ITGA9: variants seen among roughly 807,000 people sequenced by gnomAD.
ITGA9 encodes the protein integrin subunit alpha 9, also known as integrin alpha-9.
In ITGA9, 56 loss-of-function variants were observed where a neutral mutation model predicts 127.8. The observed-to-expected ratio is 0.44, with a 90% CI of 0.35 to 0.55. ITGA9 has a LOEUF of 0.55. ITGA9 is among the 20% of genes least tolerant of loss of function. ITGA9 has a pLI of 0.00. For synonymous variants in ITGA9, 508 were observed against 514.5 expected, an observed-to-expected ratio of 0.99 and a Z score of 0.17; for missense variants, 1,196 against 1,347.1, an observed-to-expected ratio of 0.89 and a Z score of 1.76.
chr3:37,713,367 C>T (rs758087638), intron 18 of ITGA9, among the ~76,000 whole-genome samples: 1 of 152,102 alleles, frequency 6.6e-6, no homozygotes, highest in Non-Finnish European at 1.5e-5. Flanking sequence ...GTTAAAAATC[C>T]ATCAGCTGAG....
At chr3:37,532,119 G>A (rs76514569) in intron 13 of ITGA9, among the ~76,000 whole-genome samples, 2,020 of 152,292 alleles carry the variant, frequency 0.013, 31 homozygotes, top group African/African-American at 0.036. Context: ...TAAGGTGTTG[G>A]CCTTCTTTCA....
intron 26 of ITGA9, among the ~76,000 whole-genome samples, chr3:37,785,530 G>T (rs1346648482): frequency 6.6e-6 from 1 of 152,112 alleles, no homozygotes; most frequent in African/African-American, 2.4e-5. Context: ...CACCCAGGCT[G>T]GTGTGCAGTC....
At chr3:37,503,404 G>A in intron 6 of ITGA9, 97 bp downstream of exon 6, 2 of 1,435,178 alleles carry the variant, frequency 1.4e-6, no homozygotes, top group South Asian at 1.2e-5. Flanking sequence ...AGAGGAGTTA[G>A]TTGGCTTTGA....
chr3:37,474,987 A>G (rs1018596247), intron 3 of ITGA9, among the ~76,000 whole-genome samples: 8 of 152,202 alleles, frequency 5.3e-5, no homozygotes, highest in Admixed American at 3.3e-4. Flanking sequence ...AAGCAGCTGG[A>G]TGCTGTCGCC....
At chr3:37,484,399 C>T (rs1219789292) in intron 4 of ITGA9, among the ~76,000 whole-genome samples, 1 of 152,126 alleles carries the variant, frequency 6.6e-6, no homozygotes, top group African/African-American at 2.4e-5. Flanking sequence ...GCTCTGTTGG[C>T]TTTAGGCATC....
intron 24 of ITGA9, among the ~76,000 whole-genome samples, chr3:37,778,617 C>CAAAAA (rs1263847294): frequency 8.0e-6 from 1 of 125,214 alleles, no homozygotes; most frequent in Non-Finnish European, 1.7e-5. Flanking sequence ...GACTCTGTCT[C>CAAAAA]AAAAAAAAAA....
intron 23 of ITGA9, among the ~76,000 whole-genome samples, chr3:37,757,565 C>A (rs1696667619): frequency 6.6e-6 from 1 of 151,650 alleles, no homozygotes; most frequent in Non-Finnish European, 1.5e-5. Flanking sequence ...GTGGGAGGAT[C>A]CCTTGAGTCC....
intron 18 of ITGA9, among the ~76,000 whole-genome samples, chr3:37,697,559 C>G (rs992672151): frequency 2.0e-5 from 3 of 149,762 alleles, no homozygotes; most frequent in African/African-American, 7.4e-5. Flanking sequence ...TTGTTCAATT[C>G]CCACCTATGA....
At chr3:37,512,213 C>CTTTACT (rs1458294269) in intron 8 of ITGA9, among the ~76,000 whole-genome samples, 1 of 66,618 alleles carries the variant, frequency 1.5e-5, no homozygotes, top group South Asian at 7.3e-4. Flanking sequence ...TCTTTTCTTT[C>CTTTACT]TTTCTTTCTT....
intron 12 of ITGA9, among the ~76,000 whole-genome samples, chr3:37,525,757 T>G (rs1022651046): frequency 6.6e-6 from 1 of 152,228 alleles, no homozygotes; most frequent in Non-Finnish European, 1.5e-5. Context: ...GTACTAGGTC[T>G]TTGAAATGTG....
intron 15 of ITGA9, among the ~76,000 whole-genome samples, chr3:37,563,664 G>A (rs1256633177): frequency 1.3e-5 from 2 of 152,228 alleles, no homozygotes; most frequent in Non-Finnish European, 2.9e-5. Context: ...TCCAGCCGTG[G>A]CTTTGCTGGG....
At chr3:37,640,182 T>G (rs1161157772) in intron 16 of ITGA9, among the ~76,000 whole-genome samples, 1 of 152,118 alleles carries the variant, frequency 6.6e-6, no homozygotes, top group African/African-American at 2.4e-5. Flanking sequence ...CAGTTGTAAT[T>G]AAGGTGATGG....
chr3:37,479,960 C>T (rs763899316), intron 3 of ITGA9, among the ~76,000 whole-genome samples: 24 of 152,024 alleles, frequency 1.6e-4, no homozygotes, highest in Non-Finnish European at 2.9e-4. Flanking sequence ...GAAAACAATG[C>T]GTTTGAGGGA....
At chr3:37,790,442 C>T (rs1013134175) in intron 26 of ITGA9, 7 of 411,760 alleles carry the variant, frequency 1.7e-5, no homozygotes, top group Non-Finnish European at 2.4e-5. Flanking sequence ...ACTGCAGCCC[C>T]CATCTCATAA....
rs750477179 is a variant in ITGA9, at chr3:37,803,844, A to G, written c.2911A>G (p.Asn971Asp). Residue 971 changes from asparagine to aspartate, a missense_variant, in exon 27 of 28, where the codon AAT becomes GAT. Transcript: ENST00000264741. The part of the protein sequence containing the change: ...EVTVVFEALH[N>D]LEPRGYVVGW... ...CTAGGTGGTCTTCGAGGCCCTGCAC[A>G]ATCTGGAGCCCCGTGGCTACGTCGT... 5.2e-5 allele frequency: 84 copies of G among 1,614,010 alleles called. No homozygotes were observed. Among genetic ancestry groups the G allele is most frequent in the Non-Finnish European group, 6.6e-5 (78 of 1,180,012 alleles).
intron 4 of ITGA9, among the ~76,000 whole-genome samples, chr3:37,492,386 G>T (rs186113064): frequency 7.2e-5 from 11 of 152,364 alleles, no homozygotes; most frequent in Admixed American, 7.2e-4. Flanking sequence ...CCTGAAAACA[G>T]TGCTTCATGC....
intron 15 of ITGA9, among the ~76,000 whole-genome samples, chr3:37,606,970 CTTTTTTTTTTT>C (rs11306321): frequency 2.9e-5 from 3 of 103,778 alleles, no homozygotes; most frequent in African/African-American, 7.3e-5. Context: ...CTCATGGCTC[CTTTTTTTTTTT>C]TTTTTTTTTT....
chr3:37,776,087 A>G (rs1696904068), intron 23 of ITGA9, among the ~76,000 whole-genome samples: 1 of 152,222 alleles, frequency 6.6e-6, no homozygotes, highest in African/African-American at 2.4e-5. Flanking sequence ...AGGAACAGAA[A>G]ACCAAATATC....
At chr3:37,771,648 G>T (rs1269539445) in intron 23 of ITGA9, among the ~76,000 whole-genome samples, 3 of 152,134 alleles carry the variant, frequency 2.0e-5, no homozygotes, top group Non-Finnish European at 2.9e-5. Flanking sequence ...TTCCTTATCT[G>T]TCAGCTGAGG....
Sources: gnomAD v4.1 joint callset for allele counts (sites outside exome capture counted in the v4.1 genomes callset) on GRCh38, gnomAD v4.1.1 for gene constraint, MANE v1.5 for transcripts, NCBI Gene and HGNC (gene_info 2026-07-23, HGNC 2026-07-21) for gene names.